The following CEP85L variants were observed in gnomAD, a reference collection of about 807,000 sequenced individuals.
CEP85L encodes the protein centrosomal protein 85L.
In CEP85L, 60 loss-of-function variants were observed where a neutral mutation model predicts 100.3. The ratio of observed to expected loss-of-function variants is 0.60; its 90% CI spans 0.49 to 0.74. The LOEUF is 0.74. Among genes scored for constraint, CEP85L ranks in the 30% least tolerant of loss-of-function variants. CEP85L has a pLI of 0.00. For synonymous variants in CEP85L, 319 were observed against 322.7 expected (o/e 0.99, Z 0.12); for missense variants, 973 against 936.2 (o/e 1.04, Z -0.51).
At chr6:118,664,736 C>G (rs1776078686) in intron 1 of CEP85L, among the ~76,000 whole-genome samples, 2 of 152,086 alleles carry the variant, frequency 1.3e-5, no homozygotes, top group Non-Finnish European at 2.9e-5. Flanking sequence ...ATGAGTTGTG[C>G]TTCTGGCTCC....
chr6:118,587,429 T>C (rs1456723297), intron 2 of CEP85L, among the ~76,000 whole-genome samples: 3 of 152,188 alleles, frequency 2.0e-5, no homozygotes, highest in African/African-American at 4.8e-5. Flanking sequence ...ACACTTGTAA[T>C]TGCTGATAGT....
In CEP85L at chr6:118,467,721, T is replaced by G. The variant is rs371949734; in HGVS notation, c.2254+1351A>C. Among the ~76,000 whole-genome samples the G allele has an allele frequency of 2.6e-5, 4 of 152,306 alleles. No individual in the cohort carries two copies. The East Asian group carries it at 5.8e-4, about 22-fold the overall frequency. ...AAAAGGGTGACCAACTCTAAAATCA[T>G]GAAGAAAGTGAGTTCCCTTTGTGTG... is the stretch of plus-strand genomic sequence containing the variant. On this transcript the variant is annotated intron_variant, in intron 12 of 12. Transcript: ENST00000368491.
chr6:118,472,578 T>C (rs1365119267), intron 10 of CEP85L, among the ~76,000 whole-genome samples: 1 of 152,166 alleles, frequency 6.6e-6, no homozygotes, highest in Non-Finnish European at 1.5e-5. Flanking sequence ...CTATCAAGAA[T>C]ACTGTGCGTT....
chr6:118,645,410 A>G (rs927453263), intron 1 of CEP85L, among the ~76,000 whole-genome samples: 1 of 152,198 alleles, frequency 6.6e-6, no homozygotes, highest in Non-Finnish European at 1.5e-5. Flanking sequence ...ATGGTGGTTC[A>G]TGCCTGTCAT....
intron 1 of CEP85L, among the ~76,000 whole-genome samples, chr6:118,676,425 G>C (rs1776485241): frequency 6.6e-6 from 1 of 151,952 alleles, no homozygotes. Flanking sequence ...CATTATCATT[G>C]ACTTCATGCA....
chr6:118,667,310 AT>A (rs1554242508), intron 1 of CEP85L, among the ~76,000 whole-genome samples: 1 of 152,030 alleles, frequency 6.6e-6, no homozygotes, highest in African/African-American at 2.4e-5. Flanking sequence ...ACTTGCTTTG[AT>A]TTTTTTTACA....
chr6:118,516,454 G>GT (rs2114743599), intron 4 of CEP85L, among the ~76,000 whole-genome samples: 2 of 152,288 alleles, frequency 1.3e-5, no homozygotes, highest in East Asian at 3.9e-4. Flanking sequence ...TCTAACTGGT[G>GT]TGAGATGGTA....
chr6:118,618,849 C>T (rs1401876257), intron 2 of CEP85L, among the ~76,000 whole-genome samples: 2 of 152,238 alleles, frequency 1.3e-5, no homozygotes, highest in East Asian at 3.9e-4. Context: ...TAAATTGGGC[C>T]TTGACATGCA....
At chr6:118,552,902 A>G in intron 3 of CEP85L, among the ~76,000 whole-genome samples, 1 of 152,166 alleles carries the variant, frequency 6.6e-6, no homozygotes, top group South Asian at 2.1e-4. Context: ...AGCACCTTTC[A>G]TGTTTTCAAT....
chr6:118,686,755 A>G (rs963788371), intron 1 of CEP85L, among the ~76,000 whole-genome samples: 1 of 152,234 alleles, frequency 6.6e-6, no homozygotes, highest in Non-Finnish European at 1.5e-5. Flanking sequence ...CTGCTCATGG[A>G]AAAGACAAAT....
chr6:118,566,562 C>A (rs1434923244), intron 2 of CEP85L, among the ~76,000 whole-genome samples: 3 of 152,066 alleles, frequency 2.0e-5, no homozygotes, highest in Non-Finnish European at 2.9e-5. Flanking sequence ...GGATTCCAGG[C>A]GCCTGCCAGC....
At chr6:118,542,953 G>A (rs1383341051) in intron 3 of CEP85L, among the ~76,000 whole-genome samples, 2 of 141,802 alleles carry the variant, frequency 1.4e-5, no homozygotes, top group Non-Finnish European at 3.1e-5. Flanking sequence ...AATCAGAAAG[G>A]GCCCAGTTTA....
chr6:118,535,262 GA>G (rs1209721893), intron 3 of CEP85L, among the ~76,000 whole-genome samples: 1 of 152,088 alleles, frequency 6.6e-6, no homozygotes, highest in African/African-American at 2.4e-5. Flanking sequence ...ACAGCAGCAT[GA>G]AAAGTGAAAG....
rs1337629184 is a variant in CEP85L, at chr6:118,470,538, T to A, written c.2021A>T (p.Glu674Val). The change falls in exon 11 of 13, where the codon GAA becomes GTA. Residue 674 changes from glutamate (E) to valine (V), a missense_variant and splice_region_variant. By Grantham distance (121) the Glu-to-Val change is moderately radical. Coordinates refer to ENST00000368491, the MANE Select transcript of CEP85L (RefSeq NM_001042475.3). Reference protein sequence around the residue: ...NVQRLTKALLENQRQTDETCS... With the variant: ...NVQRLTKALLVNQRQTDETCS... ...CAAAATTGAATTTCTTCTACTCACT[T>A]CAAGCAATGCTTTTGTTAATCTCTG... The A allele has an allele frequency of 1.3e-6, 2 of 1,572,870 alleles. No homozygotes were observed. Among genetic ancestry groups the A allele is most frequent in the Admixed American group, 1.8e-5 (1 of 55,540 alleles).
chr6:118,465,521 T>C lies in CEP85L; in HGVS notation c.2302A>G (p.Thr768Ala). The change falls in exon 13 of 13, where the codon ACA becomes GCA. Residue 768 changes from threonine (T) to alanine (A), a missense_variant. By Grantham distance (58) the Thr-to-Ala change is moderately conservative (BLOSUM62 0). Around this residue, in one of 3 missense-constraint regions of CEP85L, gnomAD observed 890 missense variants for 844.5 expected, o/e 1.05. Transcript: ENST00000368491. The part of the protein sequence containing the change: ...EETENDHSTE[T>A]LTKKLSDVCQ... ...ACATCTGACAGCTTTTTAGTGAGTG[T>C]TTCTGTGCTGTGGTCATTCTCAGTC... is the stretch of plus-strand genomic sequence containing the variant. 3 of 1,613,650 alleles carry C rather than the reference T, an allele frequency of 1.9e-6. No homozygotes were observed. Among genetic ancestry groups the C allele is most frequent in the Non-Finnish European group, 2.5e-6 (3 of 1,179,664 alleles).
At chr6:118,650,049 C>T (rs1424266151) in intron 1 of CEP85L, among the ~76,000 whole-genome samples, 1 of 152,118 alleles carries the variant, frequency 6.6e-6, no homozygotes, top group Non-Finnish European at 1.5e-5. Context: ...TCAAAAGACC[C>T]CTTTCCAAAT....
At chr6:118,607,302 T>C (rs1366104685) in intron 2 of CEP85L, among the ~76,000 whole-genome samples, 1 of 152,168 alleles carries the variant, frequency 6.6e-6, no homozygotes, top group Non-Finnish European at 1.5e-5. Context: ...AGGAAAGTAT[T>C]GCCTGTGGCA....
intron 1 of CEP85L, among the ~76,000 whole-genome samples, chr6:118,709,622 C>A (rs1366959644): frequency 6.6e-6 from 1 of 150,884 alleles, no homozygotes; most frequent in Non-Finnish European, 1.5e-5. Context: ...ATCCAGTGAC[C>A]TGTTTTACGA....
intron 3 of CEP85L, among the ~76,000 whole-genome samples, chr6:118,545,469 T>C (rs553455685): frequency 6.6e-6 from 1 of 152,282 alleles, no homozygotes; most frequent in Admixed American, 6.5e-5. Flanking sequence ...ACGCCTGTAG[T>C]CTCAGCTACT....
Sources: allele counts gnomAD v4.1 joint callset (sites outside exome capture counted in the v4.1 genomes callset), GRCh38; gene constraint gnomAD v4.1.1; regional missense constraint gnomAD v4.1.1; transcripts MANE v1.5; gene names NCBI Gene and HGNC (gene_info 2026-07-23, HGNC 2026-07-21).